Variants in KCNH1 observed in about 807,000 individuals in gnomAD.
KCNH1 encodes the protein voltage-gated delayed rectifier potassium channel KCNH1.
In KCNH1, 27 loss-of-function variants were observed where a neutral mutation model predicts 69.2. That is an observed-to-expected ratio of 0.39 (90% confidence interval 0.29 to 0.54). The LOEUF is 0.54. KCNH1 is among the 20% of genes least tolerant of loss of function. The probability of loss-of-function intolerance (pLI) is 0.68; values close to 1 mark genes in which losing one functional copy is unlikely to be tolerated. For synonymous variants in KCNH1, 456 were observed against 487.7 expected (o/e 0.93, Z 0.86); for missense variants, 798 against 1,261.6 (o/e 0.63, Z 5.57).
intron 9 of KCNH1, among the ~76,000 whole-genome samples, chr1:210,781,369 C>T (rs1683980306): frequency 6.6e-6 from 1 of 152,032 alleles, no homozygotes; most frequent in Non-Finnish European, 1.5e-5. Flanking sequence ...TCCCCCTATC[C>T]CACTGCCTTT....
intron 1 of KCNH1, among the ~76,000 whole-genome samples, chr1:211,116,743 G>A (rs1328286175): frequency 6.6e-6 from 1 of 152,164 alleles, no homozygotes; most frequent in Non-Finnish European, 1.5e-5. Flanking sequence ...GTGGTACTCA[G>A]AACCTATAAT....
chr1:211,108,751 C>G, intron 1 of KCNH1: 1 of 152,200 alleles, frequency 6.6e-6, no homozygotes, highest in South Asian at 2.1e-4. Context: ...ACAGAAAATA[C>G]AACATTTATG....
At chr1:210,892,529 C>A (rs1686771550) in intron 7 of KCNH1, among the ~76,000 whole-genome samples, 1 of 152,072 alleles carries the variant, frequency 6.6e-6, no homozygotes, top group South Asian at 2.1e-4. Context: ...TGGGTCACAC[C>A]ATATTTTTTA....
intron 6 of KCNH1, among the ~76,000 whole-genome samples, chr1:210,998,735 A>G (rs570415247): frequency 6.6e-6 from 1 of 152,280 alleles, no homozygotes; most frequent in African/African-American, 2.4e-5. Context: ...CAACACACCT[A>G]ATCCAAAATT....
chr1:210,702,436 ATTTC>A (rs1049835035), intron 10 of KCNH1, among the ~76,000 whole-genome samples: 3 of 151,694 alleles, frequency 2.0e-5, no homozygotes, highest in Non-Finnish European at 4.4e-5. Flanking sequence ...CTTCTATAAG[ATTTC>A]TTTGACTGCA....
At chr1:210,891,445 T>A (rs1686748118) in intron 7 of KCNH1, among the ~76,000 whole-genome samples, 1 of 151,860 alleles carries the variant, frequency 6.6e-6, no homozygotes, top group South Asian at 2.1e-4. Context: ...ATGTAAATGA[T>A]GAGTTAATGG....
intron 6 of KCNH1, among the ~76,000 whole-genome samples, chr1:210,948,603 G>T (rs1028965296): frequency 6.6e-6 from 1 of 152,046 alleles, no homozygotes; most frequent in African/African-American, 2.4e-5. Context: ...GCTGAGGCGG[G>T]CGGATCACAA....
At chr1:211,048,131 G>A (rs150281517) in intron 5 of KCNH1, among the ~76,000 whole-genome samples, 150 of 152,220 alleles carry the variant, frequency 9.9e-4, no homozygotes, top group African/African-American at 3.4e-3. Context: ...ACCACAATGC[G>A]ATACTACCTT....
intron 7 of KCNH1, among the ~76,000 whole-genome samples, chr1:210,844,205 T>C (rs1192645531): frequency 6.6e-6 from 1 of 152,190 alleles, no homozygotes; most frequent in African/African-American, 2.4e-5. Flanking sequence ...TAACACTCTG[T>C]CTGGCATAAA....
intron 5 of KCNH1, among the ~76,000 whole-genome samples, chr1:211,041,335 C>G (rs1689991408): frequency 6.6e-6 from 1 of 152,216 alleles, no homozygotes. Flanking sequence ...GCCACTCTCT[C>G]TTGCTCTGGT....
chr1:210,684,904 GTTA>G (rs1463608330), intron 10 of KCNH1, among the ~76,000 whole-genome samples: 2 of 152,206 alleles, frequency 1.3e-5, no homozygotes, highest in Non-Finnish European at 2.9e-5. Flanking sequence ...TGGAACAACT[GTTA>G]TTATCCCCAT....
rs1210226822 is a variant in KCNH1 at position 210,749,991 on chromosome 1, C to T, written c.2112+25357G>A. Among the ~76,000 whole-genome samples, 4 of 152,286 alleles carry T rather than the reference C, an allele frequency of 2.6e-5. No individual in the cohort carries two copies. In the South Asian group the frequency reaches 6.2e-4, roughly 24 times the overall value. ...CTCCTGATCTCAGGTGATCTGCCCACCTCCGTCTCCCAAAGTGCTGGGATT... is the reference window on the plus strand; with the variant it reads ...CTCCTGATCTCAGGTGATCTGCCCATCTCCGTCTCCCAAAGTGCTGGGATT... On this transcript the variant is annotated intron_variant, in intron 10 of 10. Coordinates refer to ENST00000271751, the MANE Select transcript of KCNH1 (RefSeq NM_172362.3).
At chr1:210,977,622 AT>A (rs1574374055) in intron 6 of KCNH1, among the ~76,000 whole-genome samples, 1 of 152,138 alleles carries the variant, frequency 6.6e-6, no homozygotes, top group African/African-American at 2.4e-5. Context: ...ATGAAATTAC[AT>A]TTTTATTTGT....
chr1:211,090,231 G>A (rs1571638641), intron 4 of KCNH1, among the ~76,000 whole-genome samples: 1 of 152,284 alleles, frequency 6.6e-6, no homozygotes. Flanking sequence ...CCACCTCATT[G>A]GTATGACTGA....
Position 210,727,209 on chromosome 1 carries a change from A to G in KCNH1, c.2113-43071T>C, listed in dbSNP as rs569551689. On this transcript the variant is annotated intron_variant, in intron 10 of 10. Transcript: ENST00000271751. ...TGGGAGAAAAAGAGAAGTATGTAGA[A>G]GTATATACTTTGGTATTAAAGCCCC... 1.6e-4 allele frequency among the ~76,000 whole-genome samples: 25 copies of G among 152,314 alleles called. No homozygotes were observed. The South Asian group carries it at 5.2e-3, about 32-fold the overall frequency.
At chr1:210,864,295 G>T (rs899179980) in intron 7 of KCNH1, among the ~76,000 whole-genome samples, 2 of 152,184 alleles carry the variant, frequency 1.3e-5, no homozygotes, top group Non-Finnish European at 2.9e-5. Flanking sequence ...GAGGATGTGG[G>T]GAATGAGGAG....
chr1:210,739,839 T>A (rs1682978016), intron 10 of KCNH1, among the ~76,000 whole-genome samples: 1 of 152,140 alleles, frequency 6.6e-6, no homozygotes, highest in Non-Finnish European at 1.5e-5. Flanking sequence ...CTTGTGAGCT[T>A]GGGGAGGATG....
chr1:210,949,270 T>C (rs1213869206), intron 6 of KCNH1, among the ~76,000 whole-genome samples: 1 of 152,100 alleles, frequency 6.6e-6, no homozygotes, highest in Non-Finnish European at 1.5e-5. Context: ...TATACCAAGG[T>C]GTCACAACCC....
intron 10 of KCNH1, among the ~76,000 whole-genome samples, chr1:210,761,320 GA>G (rs949323515): frequency 7.4e-6 from 1 of 134,608 alleles, no homozygotes; most frequent in Non-Finnish European, 1.6e-5. Flanking sequence ...AGCAATGACA[GA>G]ATTGAGACTA....
Sources: gnomAD v4.1 joint callset for allele counts (sites outside exome capture counted in the v4.1 genomes callset) on GRCh38, gnomAD v4.1.1 for gene constraint, MANE v1.5 for transcripts, NCBI Gene and HGNC (gene_info 2026-07-23, HGNC 2026-07-21) for gene names.